Variants in SLC22A11 observed in about 807,000 individuals in gnomAD.
SLC22A11 encodes the protein solute carrier family 22 member 11.
SLC22A11 carries 42 observed loss-of-function variants against 49.4 expected under a neutral mutation model. That is an observed-to-expected ratio of 0.85 (90% confidence interval 0.66 to 1.10). SLC22A11 has a LOEUF of 1.10. Ranked by LOEUF, SLC22A11 falls within the 50% of genes least tolerant of loss-of-function variation. SLC22A11 has a pLI of 0.00. For missense variants in SLC22A11, 685 were observed against 731.6 expected, an observed-to-expected ratio of 0.94 and a Z score of 0.74; for synonymous variants, 304 against 315.8, an observed-to-expected ratio of 0.96 and a Z score of 0.40.
At chr11:64,561,281 C>T (rs888154911) in intron 2 of SLC22A11, among the ~76,000 whole-genome samples, 8 of 152,182 alleles carry the variant, frequency 5.3e-5, no homozygotes, top group African/African-American at 1.7e-4. Context: ...GCCCCTTGCC[C>T]AGTGTCTTGA....
In SLC22A11 at chr11:64,564,318, G is replaced by A. The variant is rs147522958; in HGVS notation, c.832G>A (p.Glu278Lys). Reference protein sequence around the residue: ...AISLISWWLPESARWLIIKGK... With the variant: ...AISLISWWLPKSARWLIIKGK... ...CCTGCCTCCTTACAGGTGGCTGCCA[G>A]AATCCGCCCGGTGGCTGATTATTAA... Residue 278 changes from glutamate to lysine, a missense_variant, in exon 5 of 10, where the codon GAA becomes AAA. By Grantham distance (56) the Glu-to-Lys change is moderately conservative (BLOSUM62 1). Transcript: ENST00000301891. This position sits in a 1 kb window ranked among gnomAD's most constrained non-coding sequence, Gnocchi z 4.2. 310 of 1,614,090 alleles carry A rather than the reference G, an allele frequency of 1.9e-4. No individual in the cohort carries two copies. The East Asian group carries it at 5.3e-3, about 28-fold the overall frequency.
rs750458672 is a variant in SLC22A11 at position 64,568,677 on chromosome 11, G to A, written c.1281G>A (p.Gln427=). The change falls in exon 8 of 10, where the codon CAG becomes CAA. Residue 427 remains glutamine, a synonymous_variant. Transcript: ENST00000301891. The part of the protein sequence containing the change: ...LANMLVPQDL[Q]TLRVVFAVLG... The stretch of plus-strand genomic sequence containing the variant: ...CCCCCTTCCTGTACCCAGATTTGCA[G>A]ACCCTGCGTGTGGTCTTTGCTGTGC... 6.2e-7 allele frequency: 1 copy of A among 1,614,086 alleles called. No homozygotes were observed.
intron 2 of SLC22A11, 66 bp from the exon 3 acceptor site, chr11:64,561,938 C>A: frequency 6.5e-7 from 1 of 1,537,922 alleles, no homozygotes; most frequent in Non-Finnish European, 8.8e-7. Context: ...AAGGCAAGTA[C>A]CTGCCCACAT....
intron 4 of SLC22A11, among the ~76,000 whole-genome samples, chr11:64,563,370 G>A (rs535406777): frequency 2.0e-5 from 3 of 152,024 alleles, no homozygotes; most frequent in South Asian, 2.1e-4. Flanking sequence ...ACACACAGCC[G>A]GTGAATGCCA....
In SLC22A11 at chr11:64,571,311, G is replaced by A. The variant is rs890683658; in HGVS notation, c.*269G>A. On this transcript the variant is annotated 3_prime_UTR_variant, in exon 10 of 10. Transcript: ENST00000301891. ...CAGATGGCCATGCCCAACCAATAACGAGACGGTTCCCCTCCCTTTCCCTGC... is the reference window on the plus strand; with the variant it reads ...CAGATGGCCATGCCCAACCAATAACAAGACGGTTCCCCTCCCTTTCCCTGC... 2.8e-5 allele frequency: 13 copies of A among 462,012 alleles called. No individual in the cohort carries two copies. Among genetic ancestry groups the A allele is most frequent in the South Asian group, 2.2e-4 (7 of 32,282 alleles). The allele number at this position is 462,012 out of a possible 1,614,324, so 28.6% of individuals were successfully genotyped here. A position where few individuals can be genotyped will look rare whatever the true frequency, so the allele number is the denominator to read the frequency against.
rs371477942 is a variant in SLC22A11 at position 64,559,197 on chromosome 11, G to T, written c.456G>T (p.Gly152=). 5.0e-6 allele frequency: 8 copies of T among 1,611,808 alleles called. No homozygotes were observed. Among genetic ancestry groups the T allele is most frequent in the Admixed American group, 3.3e-5 (2 of 59,864 alleles). Residue 152 remains glycine (G), a synonymous_variant, in exon 2 of 10, where the codon GGG becomes GGT. Transcript: ENST00000301891. ...TAAGCCAGTCCATCTTCATGTCCGG[G>T]ATCCTGGTGGGCTCCTTTATCTGGG... ...KPLSQSIFMS[G]ILVGSFIWGL...
intron 1 of SLC22A11, among the ~76,000 whole-genome samples, chr11:64,557,726 G>A (rs1006623171): frequency 6.8e-6 from 1 of 147,966 alleles, no homozygotes; most frequent in African/African-American, 2.6e-5. Context: ...CTAACTCCCG[G>A]CCTCCAATGA....
intron 4 of SLC22A11, among the ~76,000 whole-genome samples, chr11:64,563,860 G>A (rs1270242945): frequency 6.6e-6 from 1 of 151,734 alleles, no homozygotes; most frequent in Admixed American, 6.6e-5. Flanking sequence ...AGGTTGCAGT[G>A]AGCCAAGATC....
In SLC22A11 at chr11:64,569,811, G is replaced by A. The variant is rs1250176591; in HGVS notation, c.1542G>A (p.Glu514=). ...SSLVVLFFLP[E]TQGLPLPDTI... is the part of the protein sequence containing the mutation. ...TGGTTGTGCTGTTCTTCCTCCCGGA[G>A]ACCCAGGGACTTCCGCTCCCTGACA... is the stretch of plus-strand genomic sequence containing the variant. Residue 514 remains glutamate (E), a synonymous_variant, in exon 9 of 10, where the codon GAG becomes GAA. Transcript: ENST00000301891. 3.7e-6 allele frequency: 6 copies of A among 1,613,848 alleles called. No homozygotes were observed. In the Admixed American group the frequency reaches 5.0e-5, roughly 13 times the overall value.
At chr11:64,557,753 T>A (rs1348812814) in intron 1 of SLC22A11, among the ~76,000 whole-genome samples, 2 of 147,364 alleles carry the variant, frequency 1.4e-5, no homozygotes, top group African/African-American at 5.1e-5. Context: ...TGGCTTGGCC[T>A]CCCCAGTAGC....
At chr11:64,557,627 C>CTTTTTTTT (rs766276214) in intron 1 of SLC22A11, among the ~76,000 whole-genome samples, 1 of 104,056 alleles carries the variant, frequency 9.6e-6, no homozygotes, top group African/African-American at 4.4e-5. Context: ...TTTTCTTTCT[C>CTTTTTTTT]TTTTTTTTTT....
In SLC22A11 at chr11:64,571,719, CG is replaced by C. The variant is rs1645425576; in HGVS notation, c.*678del. On this transcript the variant is annotated 3_prime_UTR_variant, in exon 10 of 10. Transcript: ENST00000301891. ...GGGAGGGCTTCCAGCCCTATGGTTA[CG>C]AAGACGGCCAAACACACCACCAAAC... 1 of 152,530 alleles carries C rather than the reference CG, an allele frequency of 6.6e-6. No individual in the cohort carries two copies. Among genetic ancestry groups the C allele is most frequent in the Non-Finnish European group, 1.5e-5 (1 of 68,290 alleles). The allele number at this position is 152,530 out of a possible 1,614,324, so 9.4% of individuals were successfully genotyped here. A position where few individuals can be genotyped will look rare whatever the true frequency, so the allele number is the denominator to read the frequency against.
chr11:64,556,055 T>C lies in SLC22A11; in HGVS notation c.56T>C (p.Leu19Pro), dbSNP rs1311872502. Residue 19 changes from leucine to proline, a missense_variant, in exon 1 of 10, where the codon CTG (leucine) becomes CCG (proline). Physicochemically the swap from Leu to Pro is moderately conservative, Grantham distance 98. Coordinates refer to ENST00000301891, the MANE Select transcript of SLC22A11 (RefSeq NM_018484.4). ...QAGGVGLFQT[L>P]QVLTFILPCL... ...GGAGGCGTGGGCCTCTTCCAGACCC[T>C]GCAGGTGCTCACCTTCATCCTCCCC... 6.2e-7 allele frequency: 1 copy of C among 1,613,660 alleles called. No homozygotes were observed. The highest frequency in any genetic ancestry group is 8.5e-7 in the Non-Finnish European group (1 of 1,180,040).
intron 8 of SLC22A11, among the ~76,000 whole-genome samples, chr11:64,569,150 T>C (rs182153507): frequency 1.3e-5 from 2 of 152,242 alleles, no homozygotes; most frequent in African/African-American, 4.8e-5. Flanking sequence ...AAGGGCATCA[T>C]AAAACACAAA....
rs1389331008 is a variant in SLC22A11 at position 64,565,350 on chromosome 11, G to A, written c.1058+13G>A. On this transcript the variant is annotated intron_variant, in intron 6 of 9. Transcript: ENST00000301891. The surrounding 1 kb of genome is among the most constrained non-coding windows in gnomAD (Gnocchi z 4.1). ...TGCTGGTGGTGAAGTACGCCGTCCT[G>A]GTGTCCCTCCCCAAGGCAGGGCTGG... 1.4e-5 allele frequency: 21 copies of A among 1,544,380 alleles called. No individual in the cohort carries two copies. The highest frequency in any genetic ancestry group is 1.7e-5 in the Non-Finnish European group (20 of 1,144,802).
Position 64,562,033 on chromosome 11 carries a change from G to A in SLC22A11, c.527G>A (p.Cys176Tyr). 2 of 1,613,590 alleles carry A rather than the reference G, an allele frequency of 1.2e-6. No homozygotes were observed. The highest frequency in any genetic ancestry group is 1.7e-6 in the Non-Finnish European group (2 of 1,179,948). The change falls in exon 3 of 10, where the codon TGC (cysteine) becomes TAC (tyrosine). Residue 176 changes from cysteine (C) to tyrosine (Y), a missense_variant. Coordinates refer to ENST00000301891, the MANE Select transcript of SLC22A11 (RefSeq NM_018484.4). This position sits in a 1 kb window ranked among gnomAD's most constrained non-coding sequence, Gnocchi z 4.4. ...GGGAGGAAGCCGATGCTGAGCTGGT[G>A]CTGCCTGCAGTTGGCCGTGGCGGGC... is the stretch of plus-strand genomic sequence containing the variant. Reference protein sequence around the residue: ...RFGRKPMLSWCCLQLAVAGTS... With the variant: ...RFGRKPMLSWYCLQLAVAGTS...
chr11:64,569,228 G>C (rs1423334344), intron 8 of SLC22A11, among the ~76,000 whole-genome samples: 1 of 152,206 alleles, frequency 6.6e-6, no homozygotes, highest in East Asian at 1.9e-4. Context: ...GAGGCTCGGG[G>C]TGAAGGACTG....
rs1347156119 is a variant in SLC22A11 at position 64,571,965 on chromosome 11, G to A, written c.*923G>A. 3 of 152,352 alleles carry A rather than the reference G, an allele frequency of 2.0e-5. No homozygotes were observed. Among genetic ancestry groups the A allele is most frequent in the East Asian group, 1.9e-4 (1 of 5,168 alleles). The allele number at this position is 152,352 out of a possible 1,614,324, so 9.4% of individuals were successfully genotyped here. A position where few individuals can be genotyped will look rare whatever the true frequency, so the allele number is the denominator to read the frequency against. On this transcript the variant is annotated 3_prime_UTR_variant, in exon 10 of 10. Transcript: ENST00000301891. Reference sequence around the variant, plus strand: ...ATCATGCTGCAGGCTGGCGAGAAACGGAGCCTTACAAGCGTAGGGATAAGA... The same window carrying A: ...ATCATGCTGCAGGCTGGCGAGAAACAGAGCCTTACAAGCGTAGGGATAAGA...
rs763085273 is a variant in SLC22A11 at position 64,562,531 on chromosome 11, G to A, written c.821+96G>A. The A allele has an allele frequency of 4.6e-5, 62 of 1,344,642 alleles. No individual in the cohort carries two copies. Among genetic ancestry groups the A allele is most frequent in the Non-Finnish European group, 5.5e-5 (55 of 1,002,210 alleles). The allele number at this position is 1,344,642 out of a possible 1,614,324, so 83.3% of individuals were successfully genotyped here. A position where few individuals can be genotyped will look rare whatever the true frequency, so the allele number is the denominator to read the frequency against. On this transcript the variant is annotated intron_variant, in intron 4 of 9. Transcript: ENST00000301891. This position sits in a 1 kb window ranked among gnomAD's most constrained non-coding sequence, Gnocchi z 4.4. ...TGGCTGGCAGTAGGTCCAGAGACCT[G>A]GAGTGCCACAGAAGGGCCATGGCAT...
Sources: allele counts gnomAD v4.1 joint callset (sites outside exome capture counted in the v4.1 genomes callset), GRCh38; gene constraint gnomAD v4.1.1; non-coding constraint Gnocchi (gnomAD v3.1); transcripts MANE v1.5; gene names NCBI Gene and HGNC (gene_info 2026-07-23, HGNC 2026-07-21).